The following PRDM10 variants were observed in gnomAD, a reference collection of about 807,000 sequenced individuals.
PRDM10 encodes PR/SET domain 10.
A neutral mutation model predicts 133.1 loss-of-function variants in PRDM10; 65 were observed. The ratio of observed to expected loss-of-function variants is 0.49; its 90% CI spans 0.40 to 0.60. The LOEUF is 0.60. PRDM10 is among the 20% of genes least tolerant of loss of function. PRDM10 has a pLI of 0.00. For synonymous variants in PRDM10, 582 were observed against 580.4 expected (o/e 1.00, Z -0.04); for missense variants, 1,137 against 1,507.1 (o/e 0.75, Z 4.07).
chr11:129,923,676 GA>G lies in PRDM10; in HGVS notation c.1879-274del, dbSNP rs1464545701. 6.6e-6 allele frequency among the ~76,000 whole-genome samples: 1 copy of G among 151,480 alleles called. No homozygotes were observed. Among genetic ancestry groups the G allele is most frequent in the Non-Finnish European group, 1.5e-5 (1 of 67,928 alleles). On this transcript the variant is annotated intron_variant, in intron 12 of 20. Coordinates refer to ENST00000360871, the MANE Select transcript of PRDM10 (RefSeq NM_199437.2). The surrounding 1 kb of genome is among the most constrained non-coding windows in gnomAD (Gnocchi z 4.4). ...AGAGAGAGAGAGAGAGAGAGAGAGA[GA>G]GAGAGAGAGAGAGAGAGTGCTTGCT...
At chr11:129,936,015 G>A (rs1300411590) in intron 8 of PRDM10, among the ~76,000 whole-genome samples, 1 of 152,176 alleles carries the variant, frequency 6.6e-6, no homozygotes, top group Non-Finnish European at 1.5e-5. Context: ...TGAGCCAGGG[G>A]TTATCAGCCT....
In PRDM10 at chr11:129,947,058, C is replaced by T. The variant is rs757777221; in HGVS notation, c.520+87G>A. 9.7e-6 allele frequency: 15 copies of T among 1,538,542 alleles called. No homozygotes were observed. The highest frequency in any genetic ancestry group is 6.8e-5 in the East Asian group (3 of 44,262). On this transcript the variant is annotated intron_variant, in intron 5 of 20. Coordinates refer to ENST00000360871, the MANE Select transcript of PRDM10 (RefSeq NM_199437.2). The surrounding 1 kb of genome is among the most constrained non-coding windows in gnomAD (Gnocchi z 4.6). Reference sequence around the variant, plus strand: ...GCTGCACACGGAAGGACCTGACGCACGGGAGCTATGTTCACACACACGCAC... The same window carrying T: ...GCTGCACACGGAAGGACCTGACGCATGGGAGCTATGTTCACACACACGCAC...
chr11:129,941,825 T>G (rs1951217755), intron 7 of PRDM10, among the ~76,000 whole-genome samples: 1 of 152,214 alleles, frequency 6.6e-6, no homozygotes, highest in Non-Finnish European at 1.5e-5. Context: ...GTAGGTTGAG[T>G]GTATTAAGTA....
intron 1 of PRDM10, among the ~76,000 whole-genome samples, chr11:130,000,897 A>G (rs117010311): frequency 6.6e-6 from 1 of 152,196 alleles, no homozygotes. Context: ...GCTTGAGCTC[A>G]GCAGTTCGTA....
intron 6 of PRDM10, among the ~76,000 whole-genome samples, chr11:129,944,053 G>A (rs1213762340): frequency 6.6e-6 from 1 of 152,108 alleles, no homozygotes; most frequent in Admixed American, 6.6e-5. Flanking sequence ...TTAGGACGTG[G>A]ACACATGCAA....
chr11:129,944,703 T>A, intron 6 of PRDM10, 68 bp downstream of exon 6: 1 of 1,565,438 alleles, frequency 6.4e-7, no homozygotes, highest in Non-Finnish European at 8.7e-7. Flanking sequence ...AGAGACTGAG[T>A]AGACAACGCA....
chr11:129,918,776 G>A lies in PRDM10; in HGVS notation c.2035-58C>T. 6.9e-7 allele frequency: 1 copy of A among 1,453,388 alleles called. No individual in the cohort carries two copies. Among genetic ancestry groups the A allele is most frequent in the Non-Finnish European group, 9.4e-7 (1 of 1,064,324 alleles). The allele number at this position is 1,453,388 out of a possible 1,614,324, so 90.0% of individuals were successfully genotyped here. A position where few individuals can be genotyped will look rare whatever the true frequency, so the allele number is the denominator to read the frequency against. ...ACACGGGGGTAGAAAATTTTTAACTGAAGGGATCATTTTAAAAATCAATAC... is the reference window on the plus strand; with the variant it reads ...ACACGGGGGTAGAAAATTTTTAACTAAAGGGATCATTTTAAAAATCAATAC... On this transcript the variant is annotated intron_variant, in intron 13 of 20. Transcript: ENST00000360871. This position sits in a 1 kb window ranked among gnomAD's most constrained non-coding sequence, Gnocchi z 5.3.
chr11:129,984,986 C>T (rs1938330364), intron 1 of PRDM10, among the ~76,000 whole-genome samples: 1 of 152,166 alleles, frequency 6.6e-6, no homozygotes, highest in Non-Finnish European at 1.5e-5. Flanking sequence ...CTCTGCAAAG[C>T]ATTTACCGTC....
chr11:129,961,466 A>T (rs1034496087), intron 1 of PRDM10, among the ~76,000 whole-genome samples: 9 of 152,052 alleles, frequency 5.9e-5, no homozygotes, highest in African/African-American at 2.2e-4. Flanking sequence ...AACCATGCCC[A>T]GCTAATTTTT....
In PRDM10 at chr11:129,932,096, C is replaced by G. The variant is rs763718581; in HGVS notation, c.1287+6G>C. 6.2e-7 allele frequency: 1 copy of G among 1,613,434 alleles called. No homozygotes were observed. Among genetic ancestry groups the G allele is most frequent in the Non-Finnish European group, 8.5e-7 (1 of 1,179,626 alleles). ...CTAAGGAGGGCTCCTTCCCGTCCCC[C>G]CGTACCTGTGTCCCATCGTCACTCT... On this transcript the variant is annotated splice_donor_region_variant and intron_variant, in intron 10 of 20. Coordinates refer to ENST00000360871, the MANE Select transcript of PRDM10 (RefSeq NM_199437.2).
intron 9 of PRDM10, 112 bp from the exon 10 acceptor site, chr11:129,932,343 A>G (rs1950897555): frequency 1.5e-6 from 2 of 1,318,420 alleles, no homozygotes; most frequent in East Asian, 5.3e-5. Context: ...TCACCTTATT[A>G]CTTTCCCAGA....
At position 129,925,726 on chromosome 11, in the gene PRDM10, A is replaced by AC. The variant is rs747617743; in HGVS notation, c.1531-498_1531-497insG. 4.7e-4 allele frequency among the ~76,000 whole-genome samples: 71 copies of AC among 151,836 alleles called. 1 individual carries two copies. The highest frequency in any genetic ancestry group is 1.0e-3 in the African/African-American group (43 of 41,324). ...ACAAAACAAACAAACAAACAAACAA[A>AC]AAAACAATAAAAAGAACTGAAGGGT... is the stretch of plus-strand genomic sequence containing the variant. On this transcript the variant is annotated intron_variant, in intron 11 of 20. Transcript: ENST00000360871.
intron 1 of PRDM10, among the ~76,000 whole-genome samples, chr11:129,969,052 C>T (rs184111883): frequency 5.9e-5 from 9 of 152,290 alleles, no homozygotes; most frequent in South Asian, 4.1e-4. Context: ...CACACTCCCC[C>T]GCTGCACAGC....
intron 1 of PRDM10, among the ~76,000 whole-genome samples, chr11:129,978,222 T>C (rs770123956): frequency 6.6e-6 from 1 of 152,102 alleles, no homozygotes; most frequent in Non-Finnish European, 1.5e-5. Flanking sequence ...CATTGACCAG[T>C]TGTTTCAAGT....
At chr11:129,929,567 A>T in intron 11 of PRDM10, 1 of 698,622 alleles carries the variant, frequency 1.4e-6, no homozygotes, top group Non-Finnish European at 2.3e-6. Context: ...GAGAAAAAAA[A>T]ACAAAATAGC....
At chr11:129,933,445 A>G (rs1183075618) in intron 9 of PRDM10, among the ~76,000 whole-genome samples, 1 of 152,182 alleles carries the variant, frequency 6.6e-6, no homozygotes, top group Middle Eastern at 3.2e-3. Flanking sequence ...ATATCTTGGC[A>G]TGTCTCTCTG....
At chr11:129,941,928 C>T (rs572292079) in intron 7 of PRDM10, among the ~76,000 whole-genome samples, 6 of 152,286 alleles carry the variant, frequency 3.9e-5, no homozygotes, top group Non-Finnish European at 7.4e-5. Context: ...GTCTACTCCC[C>T]AAAACTACCA....
At chr11:129,907,036 T>C (rs991591558) in intron 19 of PRDM10, among the ~76,000 whole-genome samples, 1 of 148,392 alleles carries the variant, frequency 6.7e-6, no homozygotes, top group Admixed American at 6.7e-5. Flanking sequence ...AATGAAATAA[T>C]GGAGCTAAAG....
At chr11:129,970,647 G>A (rs542535725) in intron 1 of PRDM10, among the ~76,000 whole-genome samples, 1 of 151,810 alleles carries the variant, frequency 6.6e-6, no homozygotes, top group African/African-American at 2.4e-5. Flanking sequence ...TGGGTTTAGG[G>A]GACTCTCCTG....
Sources: allele counts gnomAD v4.1 joint callset (sites outside exome capture counted in the v4.1 genomes callset), GRCh38; gene constraint gnomAD v4.1.1; non-coding constraint Gnocchi (gnomAD v3.1); transcripts MANE v1.5; gene names NCBI Gene and HGNC (gene_info 2026-07-23, HGNC 2026-07-21).